The following CCDC102B variants were observed in gnomAD, a reference collection of about 807,000 sequenced individuals.
CCDC102B encodes coiled-coil domain containing 102B, also known as coiled-coil domain-containing protein 102B.
In CCDC102B, 75 loss-of-function variants were observed where a neutral mutation model predicts 57.4. The observed-to-expected ratio is 1.31, with a 90% CI of 1.08 to 1.58. The LOEUF (loss-of-function observed/expected upper bound fraction) is 1.58. Among genes scored for constraint, CCDC102B ranks in the 40% most tolerant of loss-of-function variants. The pLI is 0.00. For missense variants in CCDC102B, 636 were observed against 582.6 expected (o/e 1.09, Z -0.94); for synonymous variants, 206 against 201.9 (o/e 1.02, Z -0.17).
intron 1 of CCDC102B, among the ~76,000 whole-genome samples, chr18:68,834,474 G>A (rs960880762): frequency 1.5e-5 from 2 of 137,704 alleles, no homozygotes; most frequent in African/African-American, 5.4e-5. Flanking sequence ...TTCTAATTAA[G>A]AGTTCCTTTT....
intron 2 of CCDC102B, among the ~76,000 whole-genome samples, chr18:68,768,552 T>C (rs1568240521): frequency 6.6e-6 from 1 of 152,190 alleles, no homozygotes; most frequent in Non-Finnish European, 1.5e-5. Flanking sequence ...ATAAATTATT[T>C]AGCATGTAAC....
intron 6 of CCDC102B, among the ~76,000 whole-genome samples, chr18:68,898,105 G>A (rs2040307187): frequency 6.6e-6 from 1 of 152,054 alleles, no homozygotes; most frequent in South Asian, 2.1e-4. Flanking sequence ...TTTAATGGCA[G>A]TCTTATAGTT....
At chr18:68,853,028 C>T (rs2038204397) in intron 4 of CCDC102B, among the ~76,000 whole-genome samples, 1 of 152,144 alleles carries the variant, frequency 6.6e-6, no homozygotes, top group Non-Finnish European at 1.5e-5. Context: ...GTTAATATCT[C>T]TGTCTGTTTC....
chr18:68,937,995 T>C (rs560251809), intron 6 of CCDC102B, among the ~76,000 whole-genome samples: 198 of 152,206 alleles, frequency 1.3e-3, no homozygotes, highest in African/African-American at 4.6e-3. Flanking sequence ...ATTTTCTTTA[T>C]CCAGTCTATC....
chr18:68,794,270 C>A (rs2035557508), upstream of CCDC102B, among the ~76,000 whole-genome samples: 1 of 152,074 alleles, frequency 6.6e-6, no homozygotes, highest in African/African-American at 2.4e-5. Context: ...CCATCTCCAG[C>A]CTCCTTGTCT....
intron 1 of CCDC102B, among the ~76,000 whole-genome samples, chr18:68,825,621 C>G (rs2036877556): frequency 6.6e-6 from 1 of 151,968 alleles, no homozygotes; most frequent in Non-Finnish European, 1.5e-5. Flanking sequence ...ACCAGGGAGA[C>G]AGAAGTTGCA....
chr18:69,018,837 C>A (rs1434602936), intron 7 of CCDC102B, among the ~76,000 whole-genome samples: 6 of 151,706 alleles, frequency 4.0e-5, no homozygotes, highest in Non-Finnish European at 4.4e-5. Context: ...AATTTATTAC[C>A]AAGAATAATG....
intron 6 of CCDC102B, among the ~76,000 whole-genome samples, chr18:68,924,700 G>T (rs2041416749): frequency 6.6e-6 from 1 of 151,966 alleles, no homozygotes; most frequent in Admixed American, 6.6e-5. Flanking sequence ...TTATCAATAG[G>T]CCTGAACAAT....
At chr18:68,798,710 T>C (rs1484347631) in intron 1 of CCDC102B, among the ~76,000 whole-genome samples, 1 of 152,132 alleles carries the variant, frequency 6.6e-6, no homozygotes, top group African/African-American at 2.4e-5. Context: ...TGAATATTGA[T>C]TTCTTTACAT....
chr18:69,015,733 G>T (rs1375562065), intron 7 of CCDC102B, among the ~76,000 whole-genome samples: 2 of 152,108 alleles, frequency 1.3e-5, no homozygotes, highest in African/African-American at 4.8e-5. Context: ...TGGATGAGTT[G>T]CTTATTTTAA....
intron 2 of CCDC102B, among the ~76,000 whole-genome samples, chr18:68,722,416 A>G (rs976697928): frequency 2.0e-5 from 3 of 152,166 alleles, no homozygotes; most frequent in Non-Finnish European, 4.4e-5. Context: ...CCAGCTTATG[A>G]GTGCTGCTGT....
At chr18:68,836,678 AAGTGTAGGTC>A in intron 1 of CCDC102B, 61 bp from the exon 2 acceptor site, 2 of 674,218 alleles carry the variant, frequency 3.0e-6, no homozygotes, top group Non-Finnish European at 2.2e-6. Context: ...AAAAAAAAAA[AAGTGTAGGTC>A]TTGTTCCTGT....
downstream of CCDC102B, among the ~76,000 whole-genome samples, chr18:69,056,336 A>G (rs2052814368): frequency 2.0e-5 from 3 of 152,032 alleles, no homozygotes; most frequent in African/African-American, 7.2e-5. Context: ...TGAAAACAAC[A>G]ATGATTTTCT....
intron 6 of CCDC102B, among the ~76,000 whole-genome samples, chr18:68,997,856 T>TAG (rs2051074076): frequency 1.3e-5 from 2 of 151,090 alleles, no homozygotes; most frequent in African/African-American, 4.9e-5. Context: ...ATAATATGTG[T>TAG]TTTTTTTGGC....
chr18:69,044,216 G>A (rs1333346247), intron 7 of CCDC102B, among the ~76,000 whole-genome samples: 1 of 152,130 alleles, frequency 6.6e-6, no homozygotes, highest in African/African-American at 2.4e-5. Context: ...AGAGTTTGAG[G>A]TTGTGGAATC....
At chr18:69,040,386 G>T (rs2052401849) in intron 7 of CCDC102B, among the ~76,000 whole-genome samples, 1 of 4,578 alleles carries the variant, frequency 2.2e-4, no homozygotes, top group South Asian at 0.045. Flanking sequence ...AGATGCAGGG[G>T]TGTGTGTGTG....
In CCDC102B at chr18:68,806,750, TTAA is replaced by T. The variant is rs141580421; in HGVS notation, c.-16+8575_-16+8577del. Among the ~76,000 whole-genome samples, 1,441 of 152,302 alleles carry T rather than the reference TTAA, an allele frequency of 9.5e-3. 17 individuals carry two copies. Among genetic ancestry groups the T allele is most frequent in the East Asian group, 0.055 (284 of 5,190 alleles). On this transcript the variant is annotated intron_variant, in intron 1 of 7. Transcript: ENST00000360242. ...AAAAAATGAACATGTGAAATTAATT[TTAA>T]TAATATTTTTGATTTAATCCAATCT...
At position 69,010,968 on chromosome 18, in the gene CCDC102B, T is replaced by G. The variant is rs144192572; in HGVS notation, c.1298T>G (p.Leu433Arg). 9 of 1,610,568 alleles carry G rather than the reference T, an allele frequency of 5.6e-6. No individual in the cohort carries two copies. In the African/African-American group the frequency reaches 1.1e-4, roughly 19 times the overall value. Residue 433 changes from leucine (L) to arginine (R), a missense_variant, in exon 7 of 8, where the codon CTA becomes CGA. Transcript: ENST00000360242. The part of the protein sequence containing the change: ...LLNLQHAYYK[L>R]NRQYQANIAE... The stretch of plus-strand genomic sequence containing the variant: ...AACCTTCAACATGCCTACTATAAAC[T>G]AAACAGACAATACCAGGCAAATATT...
At chr18:68,973,644 T>A (rs555072743) in intron 6 of CCDC102B, among the ~76,000 whole-genome samples, 3 of 152,248 alleles carry the variant, frequency 2.0e-5, no homozygotes, top group Admixed American at 2.0e-4. Context: ...ATGTACAATA[T>A]AGAAATGGTT....
Sources: gnomAD v4.1 joint callset for allele counts (sites outside exome capture counted in the v4.1 genomes callset) on GRCh38, gnomAD v4.1.1 for gene constraint, MANE v1.5 for transcripts, NCBI Gene and HGNC (gene_info 2026-07-23, HGNC 2026-07-21) for gene names.